ZBTB8B: variants seen among roughly 807,000 people sequenced by gnomAD.
ZBTB8B encodes zinc finger and BTB domain containing 8B, also known as zinc finger and BTB domain-containing protein 8B.
Under a neutral mutation model 30.3 loss-of-function variants are expected in ZBTB8B, and 17 were observed. The observed-to-expected ratio is 0.56, with a 90% CI of 0.38 to 0.84. The LOEUF is 0.84. Ranked by LOEUF, ZBTB8B falls within the 40% of genes least tolerant of loss-of-function variation. The pLI is 0.00. For synonymous variants in ZBTB8B, 248 were observed against 255.6 expected (o/e 0.97, Z 0.28); for missense variants, 515 against 644.9 (o/e 0.80, Z 2.18).
intron 2 of ZBTB8B, among the ~76,000 whole-genome samples, chr1:32,476,343 C>T (rs753888602): frequency 3.9e-5 from 6 of 152,024 alleles, no homozygotes; most frequent in Non-Finnish European, 5.9e-5. Flanking sequence ...TTTATTCCCA[C>T]CTGGATGCTC....
Position 32,481,083 on chromosome 1 carries a change from C to G in ZBTB8B, c.1170+14C>G, listed in dbSNP as rs1176944707. The G allele has an allele frequency of 2.0e-6, 3 of 1,537,884 alleles. No homozygotes were observed. In the South Asian group the frequency reaches 3.7e-5, roughly 19 times the overall value. ...CACGCACTGAGTGTAAGTGTTCGAG[C>G]TGGCCATGCCCTTGTGGCAAGAGCT... is the stretch of plus-strand genomic sequence containing the variant. On this transcript the variant is annotated intron_variant, in intron 3 of 3. Transcript: ENST00000609129.
In ZBTB8B at chr1:32,480,950, A is replaced by G. The variant is rs1296315477; in HGVS notation, c.1051A>G (p.Lys351Glu). ...GTGTCCTTTCTGCCCTTACACTGCCAAACAGAAGGGCATCCTCAAGCGGCA... is the reference window on the plus strand; with the variant it reads ...GTGTCCTTTCTGCCCTTACACTGCCGAACAGAAGGGCATCCTCAAGCGGCA... ...HKCPFCPYTA[K>E]QKGILKRHIR... The change falls in exon 3 of 4, where the codon AAA becomes GAA. Residue 351 changes from lysine to glutamate, a missense_variant. By Grantham distance (56) the Lys-to-Glu change is moderately conservative. This residue lies in a region of ZBTB8B where 429 missense variants were observed against 504.3 expected (regional missense o/e 0.85). Transcript: ENST00000609129. 8 of 1,552,160 alleles carry G rather than the reference A, an allele frequency of 5.2e-6. No individual in the cohort carries two copies.
At chr1:32,478,250 G>A (rs1277262627) in intron 2 of ZBTB8B, among the ~76,000 whole-genome samples, 2 of 151,248 alleles carry the variant, frequency 1.3e-5, no homozygotes, top group African/African-American at 4.9e-5. Flanking sequence ...GGTGGCTCAC[G>A]CCTATAATCC....
chr1:32,471,491 T>G lies in ZBTB8B; in HGVS notation c.867T>G (p.Ala289=), dbSNP rs540587958. The change falls in exon 2 of 4, where the codon GCT becomes GCG. Residue 289 remains alanine, a synonymous_variant. Transcript: ENST00000609129. ...TGGAGGCGCTCTTGCGCAACAGCGC[T>G]GCCCCGAGCAAGGATGATGCAGACC... ...QFLEALLRNS[A]APSKDDADHH... 3.9e-6 allele frequency: 6 copies of G among 1,551,826 alleles called. No individual in the cohort carries two copies. The highest frequency in any genetic ancestry group is 3.6e-5 in the South Asian group (3 of 84,068).
rs1046605613 is a variant in ZBTB8B at position 32,485,487 on chromosome 1, T to C, written c.*69T>C. On this transcript the variant is annotated 3_prime_UTR_variant, in exon 4 of 4. Coordinates refer to ENST00000609129, the MANE Select transcript of ZBTB8B (RefSeq NM_001145720.2). ...CTCGTTCTGTTGTTGAAAGATACCA[T>C]TTGTCCAATTTTGTGGAACCCTGAG... 1.2e-5 allele frequency: 18 copies of C among 1,441,114 alleles called. No individual in the cohort carries two copies. The African/African-American group carries it at 2.4e-4, about 19-fold the overall frequency. 89.3% of individuals were successfully genotyped at this position (1,441,114 alleles called of 1,614,324 possible). A position where few individuals can be genotyped will look rare whatever the true frequency, so the allele number is the denominator to read the frequency against.
intron 3 of ZBTB8B, among the ~76,000 whole-genome samples, chr1:32,482,384 G>A (rs1008984232): frequency 6.6e-6 from 1 of 151,900 alleles, no homozygotes; most frequent in African/African-American, 2.4e-5. Context: ...TTAAGAATAC[G>A]AAAACTGGCC....
rs759106678 is a variant in ZBTB8B at position 32,471,050 on chromosome 1, GGCGGCGGCTGCAGCGGCGGCAGCA to G, written c.436_459del (p.Ala146_Ala153del). 2,453 of 1,549,738 alleles carry G rather than the reference GGCGGCGGCTGCAGCGGCGGCAGCA, an allele frequency of 1.6e-3. 41 individuals carry two copies. The highest frequency in any genetic ancestry group is 3.3e-4 in the South Asian group (28 of 84,006). Reference sequence around the variant, plus strand: ...TGGCTGCAGCAGTGGCGGCGGCAGCGGCGGCGGCTGCAGCGGCGGCAGCAGCGGCGGCTCATCAGGTTGACAGTG... The same window carrying G: ...TGGCTGCAGCAGTGGCGGCGGCAGCGGCGGCGGCTCATCAGGTTGACAGTG... On this transcript the variant is annotated inframe_deletion, in exon 2 of 4. Coordinates refer to ENST00000609129, the MANE Select transcript of ZBTB8B (RefSeq NM_001145720.2).
At position 32,471,593 on chromosome 1, in the gene ZBTB8B, T is replaced by G. The variant is rs1180544572; in HGVS notation, c.969T>G (p.Ala323=). ...TGAGTTCCATGATGGATGTCCAGGC[T>G]GACTGGTATGGAGAGGACTCAGGTG... ...VAMSSMMDVQ[A]DWYGEDSGDV... is the part of the protein sequence containing the mutation. The change falls in exon 2 of 4, where the codon GCT becomes GCG. Residue 323 remains alanine (A), a synonymous_variant. Transcript: ENST00000609129. 5.2e-6 allele frequency: 8 copies of G among 1,551,470 alleles called. 1 individual carries two copies. The highest frequency in any genetic ancestry group is 5.2e-6 in the Non-Finnish European group (6 of 1,146,862).
Position 32,488,212 on chromosome 1 carries a change from G to T in ZBTB8B, c.*2794G>T, listed in dbSNP as rs1266197447. 1 of 152,216 alleles carries T rather than the reference G, an allele frequency of 6.6e-6. No homozygotes were observed. Among genetic ancestry groups the T allele is most frequent in the Non-Finnish European group, 1.5e-5 (1 of 68,058 alleles). The allele number at this position is 152,216 out of a possible 1,614,324, so 9.4% of individuals were successfully genotyped here. ...ACATCACACCACTGCACTCCAGCCTGGGCAACAAGAGCGAAACTGTCTCCA... is the reference window on the plus strand; with the variant it reads ...ACATCACACCACTGCACTCCAGCCTTGGCAACAAGAGCGAAACTGTCTCCA... On this transcript the variant is annotated 3_prime_UTR_variant, in exon 4 of 4. Coordinates refer to ENST00000609129, the MANE Select transcript of ZBTB8B (RefSeq NM_001145720.2).
intron 1 of ZBTB8B, among the ~76,000 whole-genome samples, chr1:32,468,720 G>T (rs1200990597): frequency 1.3e-5 from 2 of 152,126 alleles, no homozygotes; most frequent in Non-Finnish European, 2.9e-5. Flanking sequence ...AATTAGCTGG[G>T]TGTGGTGGCA....
chr1:32,477,443 G>T (rs1237743448), intron 2 of ZBTB8B, among the ~76,000 whole-genome samples: 1 of 152,196 alleles, frequency 6.6e-6, no homozygotes, highest in South Asian at 2.1e-4. Context: ...TTTTCCCAAG[G>T]ACTTATGCTG....
intron 2 of ZBTB8B, among the ~76,000 whole-genome samples, chr1:32,478,003 G>A (rs1462017483): frequency 6.6e-6 from 1 of 151,472 alleles, no homozygotes; most frequent in Non-Finnish European, 1.5e-5. Flanking sequence ...GTTGCAGTGA[G>A]CCGAGACTGT....
Position 32,480,882 on chromosome 1 carries a change from G to T in ZBTB8B, c.992-9G>T. ...CAGCACAGCTAAATGAAAGCATTTG[G>T]TTCCCCAGGTGATGTGCTGGTGGTC... On this transcript the variant is annotated splice_polypyrimidine_tract_variant and intron_variant, in intron 2 of 3. Coordinates refer to ENST00000609129, the MANE Select transcript of ZBTB8B (RefSeq NM_001145720.2). 6.5e-7 allele frequency: 1 copy of T among 1,550,076 alleles called. No homozygotes were observed. The highest frequency in any genetic ancestry group is 8.7e-7 in the Non-Finnish European group (1 of 1,145,960).
chr1:32,471,142 A>G lies in ZBTB8B; in HGVS notation c.518A>G (p.Lys173Arg). 1 of 1,551,754 alleles carries G rather than the reference A, an allele frequency of 6.4e-7. No homozygotes were observed. Among genetic ancestry groups the G allele is most frequent in the Non-Finnish European group, 8.7e-7 (1 of 1,147,024 alleles). ...CGGGAGGGGACCTCCTGTGGTACCA[A>G]GAGCTTGGTCTCCTCTCCAGCCGAG... ...SGREGTSCGT[K>R]SLVSSPAEGE... Residue 173 changes from lysine (K) to arginine (R), a missense_variant, in exon 2 of 4, where the codon AAG (lysine) becomes AGG (arginine). By Grantham distance (26) the Lys-to-Arg change is conservative. Transcript: ENST00000609129.
At position 32,471,000 on chromosome 1, in the gene ZBTB8B, C is replaced by G. The variant is rs1329256705; in HGVS notation, c.376C>G (p.Arg126Gly). ...CATTAGGTCATCCCTCGACATTTGCCGAAAGATGGAGAAGGAGGCTGCTGT... is the reference window on the plus strand; with the variant it reads ...CATTAGGTCATCCCTCGACATTTGCGGAAAGATGGAGAAGGAGGCTGCTGT... ...TYIRSSLDIC[R>G]KMEKEAAVAA... The change falls in exon 2 of 4, where the codon CGA becomes GGA. Residue 126 changes from arginine to glycine, a missense_variant. By Grantham distance (125) the Arg-to-Gly change is moderately radical. Coordinates refer to ENST00000609129, the MANE Select transcript of ZBTB8B (RefSeq NM_001145720.2). 3 of 1,552,138 alleles carry G rather than the reference C, an allele frequency of 1.9e-6. No individual in the cohort carries two copies. Among genetic ancestry groups the G allele is most frequent in the East Asian group, 2.4e-5 (1 of 40,930 alleles).
chr1:32,467,736 C>T (rs1643582519), intron 1 of ZBTB8B, among the ~76,000 whole-genome samples: 2 of 152,002 alleles, frequency 1.3e-5, no homozygotes, highest in Admixed American at 6.6e-5. Flanking sequence ...CAGAGAAGGG[C>T]CAGGACATAA....
rs192704459 is a variant in ZBTB8B at position 32,494,245 on chromosome 1, A to C, written c.*8827A>C. 1 of 151,986 alleles carries C rather than the reference A, an allele frequency of 6.6e-6. No individual in the cohort carries two copies. The highest frequency in any genetic ancestry group is 1.5e-5 in the Non-Finnish European group (1 of 67,956). The allele number at this position is 151,986 out of a possible 1,614,324, so 9.4% of individuals were successfully genotyped here. ...CATATAGGACAGAACCATTAAATCA[A>C]GAGATTTGAAAGTTAGAAGGGACAG... On this transcript the variant is annotated 3_prime_UTR_variant, in exon 4 of 4. Coordinates refer to ENST00000609129, the MANE Select transcript of ZBTB8B (RefSeq NM_001145720.2).
At chr1:32,483,013 A>C (rs967188556) in intron 3 of ZBTB8B, among the ~76,000 whole-genome samples, 1 of 151,670 alleles carries the variant, frequency 6.6e-6, no homozygotes, top group Non-Finnish European at 1.5e-5. Flanking sequence ...TCTTGCTTGC[A>C]CCCAGAGCTC....
At chr1:32,473,122 C>T (rs1330353462) in intron 2 of ZBTB8B, among the ~76,000 whole-genome samples, 1 of 152,180 alleles carries the variant, frequency 6.6e-6, no homozygotes, top group Non-Finnish European at 1.5e-5. Context: ...TGGCTGCCAA[C>T]TTACTGATGA....
Sources: gnomAD v4.1 joint callset for allele counts (sites outside exome capture counted in the v4.1 genomes callset) on GRCh38, gnomAD v4.1.1 for gene constraint, gnomAD v4.1.1 regional missense constraint, MANE v1.5 for transcripts, NCBI Gene and HGNC (gene_info 2026-07-23, HGNC 2026-07-21) for gene names.